The following PDHX variants were observed in gnomAD, a reference collection of about 807,000 sequenced individuals.
PDHX encodes the protein pyruvate dehydrogenase complex component X, also known as pyruvate dehydrogenase protein X component, mitochondrial.
Under a neutral mutation model 55.3 loss-of-function variants are expected in PDHX, and 33 were observed. The ratio of observed to expected loss-of-function variants is 0.60; its 90% CI spans 0.45 to 0.80. The LOEUF (loss-of-function observed/expected upper bound fraction) is 0.80. Ranked by LOEUF, PDHX falls within the 30% of genes least tolerant of loss-of-function variation. The pLI is 0.00. For missense variants in PDHX, 622 were observed against 619.9 expected (o/e 1.00, Z -0.04); for synonymous variants, 226 against 219.4 (o/e 1.03, Z -0.27).
chr11:34,921,821 A>G (rs1853887176), intron 1 of PDHX, among the ~76,000 whole-genome samples: 4 of 152,206 alleles, frequency 2.6e-5, no homozygotes. Context: ...ACCTTGTTTT[A>G]AAGGATTTTA....
intron 2 of PDHX, among the ~76,000 whole-genome samples, chr11:34,946,582 T>C (rs1457700404): frequency 6.6e-6 from 1 of 152,216 alleles, no homozygotes; most frequent in African/African-American, 2.4e-5. Flanking sequence ...TTGCAATTGA[T>C]ATTGGGGATA....
In PDHX at chr11:34,970,268, A is replaced by G; in HGVS notation, c.946A>G (p.Arg316Gly). 3 of 1,613,768 alleles carry G rather than the reference A, an allele frequency of 1.9e-6. No homozygotes were observed. The highest frequency in any genetic ancestry group is 2.5e-6 in the Non-Finnish European group (3 of 1,179,698). Residue 316 changes from arginine to glycine, a missense_variant, in exon 7 of 11, where the codon AGG becomes GGG. Physicochemically the swap from Arg to Gly is moderately radical, Grantham distance 125. Transcript: ENST00000227868. ...DCDLGAVLKV[R>G]QDLVKDDIKV... is the part of the protein sequence containing the mutation. ...TGACCTTGGAGCTGTTTTAAAAGTT[A>G]GGCAAGATCTGGTCAAAGGTTAGTA... is the stretch of plus-strand genomic sequence containing the variant.
intron 7 of PDHX, among the ~76,000 whole-genome samples, chr11:34,975,308 T>A (rs1855343974): frequency 6.6e-6 from 1 of 152,096 alleles, no homozygotes; most frequent in Admixed American, 6.6e-5. Flanking sequence ...TTGTGAAAAA[T>A]TTCCAGTTAT....
chr11:34,916,459 T>G (rs968049518), upstream of PDHX: 1 of 1,461,808 alleles, frequency 6.8e-7, no homozygotes, highest in Non-Finnish European at 9.0e-7. Context: ...GGCTGAGATA[T>G]CCAGCGGCGC....
At chr11:34,958,878 AT>A (rs1297554345) in intron 4 of PDHX, among the ~76,000 whole-genome samples, 1 of 152,144 alleles carries the variant, frequency 6.6e-6, no homozygotes, top group Non-Finnish European at 1.5e-5. Context: ...CACACAGTGA[AT>A]GAAAAAAAAA....
At chr11:34,951,892 A>T (rs1331096389) in intron 3 of PDHX, among the ~76,000 whole-genome samples, 7 of 152,124 alleles carry the variant, frequency 4.6e-5, no homozygotes, top group African/African-American at 1.7e-4. Context: ...TAAGGAAGGG[A>T]TCCAGTTTCA....
chr11:34,922,373 T>C (rs1408055628), intron 1 of PDHX, among the ~76,000 whole-genome samples: 1 of 152,212 alleles, frequency 6.6e-6, no homozygotes, highest in African/African-American at 2.4e-5. Context: ...CTATGCACCC[T>C]TGTAAGCACT....
Position 34,994,980 on chromosome 11 carries a change from C to T in PDHX, c.1314C>T (p.Cys438=). The change falls in exon 11 of 11, where the codon TGC becomes TGT. Residue 438 remains cysteine (C), a synonymous_variant. Transcript: ENST00000227868. ...CAGTGATTAACCCTCCTCAGGCCTG[C>T]ATTTTGGCGGTTGGGAGGTTCCGAC... ...FTAVINPPQA[C]ILAVGRFRPV... is the part of the protein sequence containing the mutation. 1 of 1,614,034 alleles carries T rather than the reference C, an allele frequency of 6.2e-7. No individual in the cohort carries two copies.
At chr11:34,947,474 A>AAAAAC in intron 2 of PDHX, 32 bp from the exon 3 acceptor site, 2 of 1,461,452 alleles carry the variant, frequency 1.4e-6, no homozygotes, top group Non-Finnish European at 1.9e-6. Context: ...TTATATTTTA[A>AAAAAC]AAAACAAAAC....
intron 9 of PDHX, among the ~76,000 whole-genome samples, chr11:34,987,726 C>G (rs1564933622): frequency 1.1e-5 from 1 of 87,882 alleles, no homozygotes; most frequent in Non-Finnish European, 2.5e-5. Context: ...AGTAGAAACC[C>G]TGAGTGTGTG....
intron 1 of PDHX, among the ~76,000 whole-genome samples, chr11:34,928,568 T>C (rs186513425): frequency 1.2e-4 from 19 of 152,212 alleles, no homozygotes; most frequent in Admixed American, 3.9e-4. Flanking sequence ...GCAACTGTTT[T>C]TGATTTTTTC....
chr11:34,934,212 T>G (rs57664911), intron 2 of PDHX, among the ~76,000 whole-genome samples: 3 of 152,330 alleles, frequency 2.0e-5, no homozygotes, highest in East Asian at 3.9e-4. Flanking sequence ...AAAAGAGAGA[T>G]AACCAGATAT....
At position 34,980,084 on chromosome 11, in the gene PDHX, A is replaced by G. The variant is rs189023826; in HGVS notation, c.1023+1902A>G. ...TCAGCTTTTTTAAAAAATCAATTTTAAAAGCTTATATTTTCCCAGAAAATC... is the reference window on the plus strand; with the variant it reads ...TCAGCTTTTTTAAAAAATCAATTTTGAAAGCTTATATTTTCCCAGAAAATC... On this transcript the variant is annotated intron_variant, in intron 8 of 10. Transcript: ENST00000227868. Among the ~76,000 whole-genome samples the G allele has an allele frequency of 1.2e-4, 18 of 151,114 alleles. No homozygotes were observed. In the East Asian group the frequency reaches 2.9e-3, roughly 24 times the overall value.
At chr11:34,937,738 G>C (rs986478184) in intron 2 of PDHX, among the ~76,000 whole-genome samples, 1 of 152,110 alleles carries the variant, frequency 6.6e-6, no homozygotes, top group East Asian at 1.9e-4. Flanking sequence ...CCTCCTGAGG[G>C]TCAAATTTAT....
chr11:34,947,513 G>A lies in PDHX; in HGVS notation c.249G>A (p.Ala83=), dbSNP rs376628638. The A allele has an allele frequency of 6.3e-5, 102 of 1,610,482 alleles. No homozygotes were observed. In the East Asian group the frequency reaches 9.6e-4, roughly 15 times the overall value. ...IVKWLKKEGE[A]VSAGDALCEI... is the part of the protein sequence containing the mutation. ...CCCAGTCTTGTTTTGTAGGTGAAGCGGTGAGTGCTGGAGATGCATTATGTG... is the reference window on the plus strand; with the variant it reads ...CCCAGTCTTGTTTTGTAGGTGAAGCAGTGAGTGCTGGAGATGCATTATGTG... Residue 83 remains alanine, a synonymous_variant, in exon 3 of 11, where the codon GCG becomes GCA. Transcript: ENST00000227868.
At chr11:34,962,753 C>T (rs1291405285) in intron 5 of PDHX, among the ~76,000 whole-genome samples, 1 of 152,118 alleles carries the variant, frequency 6.6e-6, no homozygotes, top group East Asian at 1.9e-4. Context: ...AGTGTGACAG[C>T]AGTAAAATAA....
rs1854895314 is a variant in PDHX, at chr11:34,955,856, A to G, written c.343-1528A>G. Among the ~76,000 whole-genome samples the G allele has an allele frequency of 2.0e-5, 3 of 152,228 alleles. No individual in the cohort carries two copies. The South Asian group carries it at 6.2e-4, about 32-fold the overall frequency. On this transcript the variant is annotated intron_variant, in intron 3 of 10. Transcript: ENST00000227868. The stretch of plus-strand genomic sequence containing the variant: ...TGAATGATGTTCTTTGTACTTGGAT[A>G]TTGATCCTATTTCTGATTCAGTTTT...
intron 1 of PDHX, 107 bp downstream of exon 1, chr11:34,916,922 T>C (rs1407582594): frequency 1.0e-5 from 11 of 1,085,994 alleles, no homozygotes; most frequent in Non-Finnish European, 1.2e-5. Flanking sequence ...GTGCGCGGGC[T>C]CCTTATTCCC....
At chr11:34,949,809 AC>A (rs750971900) in intron 3 of PDHX, among the ~76,000 whole-genome samples, 24 of 152,172 alleles carry the variant, frequency 1.6e-4, no homozygotes, top group Admixed American at 5.9e-4. Context: ...AAAATTATTT[AC>A]ATTTATGTAA....
Sources: allele counts gnomAD v4.1 joint callset (sites outside exome capture counted in the v4.1 genomes callset), GRCh38; gene constraint gnomAD v4.1.1; transcripts MANE v1.5; gene names NCBI Gene and HGNC (gene_info 2026-07-23, HGNC 2026-07-21).